CYB5R4: variants seen among roughly 807,000 people sequenced by gnomAD.
The protein encoded by CYB5R4 is N-terminal cytochrome b5 and cytochrome b5 oxidoreductase domain-containing protein.
Under a neutral mutation model 70.2 loss-of-function variants are expected in CYB5R4, and 55 were observed. That is an observed-to-expected ratio of 0.78 (90% CI 0.63 to 0.98). CYB5R4 has a LOEUF of 0.98. Ranked by LOEUF, CYB5R4 falls within the 50% of genes least tolerant of loss-of-function variation. The pLI is 0.00. For missense variants in CYB5R4, 562 were observed against 612.6 expected, an observed-to-expected ratio of 0.92 and a Z score of 0.87; for synonymous variants, 197 against 199.5, an observed-to-expected ratio of 0.99 and a Z score of 0.11.
chr6:83,872,189 C>A (rs1375835829), intron 2 of CYB5R4, among the ~76,000 whole-genome samples: 2 of 152,140 alleles, frequency 1.3e-5, no homozygotes, highest in African/African-American at 4.8e-5. Flanking sequence ...TATCTTTTTG[C>A]ACATTCAGAT....
At chr6:83,895,950 A>G (rs1250704008) in intron 3 of CYB5R4, among the ~76,000 whole-genome samples, 1 of 152,122 alleles carries the variant, frequency 6.6e-6, no homozygotes, top group Non-Finnish European at 1.5e-5. Flanking sequence ...TTTTTATCCC[A>G]CCGCTGACCT....
rs201408348 is a variant in CYB5R4 at position 83,942,687 on chromosome 6, G to C, written c.1346+2086G>C. 4.6e-5 allele frequency among the ~76,000 whole-genome samples: 7 copies of C among 152,130 alleles called. No homozygotes were observed. In the East Asian group the frequency reaches 1.2e-3, roughly 25 times the overall value. On this transcript the variant is annotated intron_variant, in intron 14 of 15. Coordinates refer to ENST00000369681, the MANE Select transcript of CYB5R4 (RefSeq NM_016230.4). ...CTTGCTCAGCGGATCCCACCCCAAC[G>C]GAGCCCAGCAAGCTAAAATCCACTG...
At position 83,955,361 on chromosome 6, in the gene CYB5R4, T is replaced by G; in HGVS notation, c.1410T>G (p.Ile470Met). The stretch of plus-strand genomic sequence containing the variant: ...AATGGAATGGCAAACAGGGACATAT[T>G]TCACCAGCTCTTCTTTCTGAATTTT... Reference protein sequence around the residue: ...ISEWNGKQGHISPALLSEFLK... With the variant: ...ISEWNGKQGHMSPALLSEFLK... Residue 470 changes from isoleucine to methionine, a missense_variant, in exon 15 of 16, where the codon ATT becomes ATG. Transcript: ENST00000369681. 6.2e-7 allele frequency: 1 copy of G among 1,614,000 alleles called. No individual in the cohort carries two copies. Among genetic ancestry groups the G allele is most frequent in the Non-Finnish European group, 8.5e-7 (1 of 1,179,924 alleles).
At chr6:83,895,491 G>A (rs2099461740) in intron 3 of CYB5R4, among the ~76,000 whole-genome samples, 1 of 152,090 alleles carries the variant, frequency 6.6e-6, no homozygotes, top group South Asian at 2.1e-4. Context: ...AGCAATGCAA[G>A]CTAAATAGAA....
chr6:83,945,560 A>G (rs998037390), intron 14 of CYB5R4, among the ~76,000 whole-genome samples: 1 of 152,194 alleles, frequency 6.6e-6, no homozygotes, highest in African/African-American at 2.4e-5. Context: ...AAGACAAGAA[A>G]TAACTAAGAT....
intron 15 of CYB5R4, among the ~76,000 whole-genome samples, chr6:83,957,636 A>G (rs929599855): frequency 4.6e-5 from 7 of 150,792 alleles, no homozygotes; most frequent in African/African-American, 1.5e-4. Context: ...AAAAAAAAAA[A>G]AAAAAAAAAA....
At chr6:83,921,804 A>T (rs1488740466) in intron 8 of CYB5R4, among the ~76,000 whole-genome samples, 1 of 152,224 alleles carries the variant, frequency 6.6e-6, no homozygotes, top group African/African-American at 2.4e-5. Flanking sequence ...AAAATTGTAA[A>T]TTCCAGATAA....
intron 5 of CYB5R4, among the ~76,000 whole-genome samples, 195 bp from the exon 6 acceptor site, chr6:83,917,810 T>A (rs911183285): frequency 6.6e-6 from 1 of 151,994 alleles, no homozygotes; most frequent in Non-Finnish European, 1.5e-5. Flanking sequence ...ATGAAGAGAG[T>A]GCTGACTGCA....
intron 2 of CYB5R4, among the ~76,000 whole-genome samples, chr6:83,880,182 A>G (rs1018678837): frequency 6.6e-5 from 10 of 152,234 alleles, no homozygotes; most frequent in Admixed American, 1.3e-4. Flanking sequence ...TACATTGTGT[A>G]ATGATCAAAT....
At chr6:83,926,753 T>G (rs896654273) in intron 10 of CYB5R4, among the ~76,000 whole-genome samples, 1 of 152,202 alleles carries the variant, frequency 6.6e-6, no homozygotes, top group East Asian at 1.9e-4. Flanking sequence ...TATATTTTGC[T>G]CATGTGGGGA....
rs181571416 is a variant in CYB5R4, at chr6:83,861,795, C to T, written c.75+1938C>T. Among the ~76,000 whole-genome samples, 5 of 152,288 alleles carry T rather than the reference C, an allele frequency of 3.3e-5. No individual in the cohort carries two copies. The East Asian group carries it at 9.6e-4, about 29-fold the overall frequency. On this transcript the variant is annotated intron_variant, in intron 1 of 15. Coordinates refer to ENST00000369681, the MANE Select transcript of CYB5R4 (RefSeq NM_016230.4). ...TTATCTTACTTGTTTTTTAATTAAT[C>T]TTTCTTAAATGTATATATAGCTAAC...
At chr6:83,876,835 C>G (rs1272161788) in intron 2 of CYB5R4, among the ~76,000 whole-genome samples, 1 of 151,992 alleles carries the variant, frequency 6.6e-6, no homozygotes, top group Non-Finnish European at 1.5e-5. Context: ...TGAAGAACTT[C>G]CTTTAACTTT....
chr6:83,898,716 C>G (rs1157130858), intron 3 of CYB5R4, among the ~76,000 whole-genome samples: 1 of 151,984 alleles, frequency 6.6e-6, no homozygotes, highest in Non-Finnish European at 1.5e-5. Flanking sequence ...ATTTTATTCT[C>G]TTTGAAGCAA....
At chr6:83,888,635 G>A (rs933504812) in intron 2 of CYB5R4, among the ~76,000 whole-genome samples, 38 of 152,012 alleles carry the variant, frequency 2.5e-4, no homozygotes, top group Non-Finnish European at 4.7e-4. Flanking sequence ...TTCTTCTTGG[G>A]CCACTCCATT....
At chr6:83,941,855 T>G (rs1487244500) in intron 14 of CYB5R4, among the ~76,000 whole-genome samples, 1 of 152,232 alleles carries the variant, frequency 6.6e-6, no homozygotes, top group Non-Finnish European at 1.5e-5. Flanking sequence ...AGTGGAAAAT[T>G]GGAAGCGTTT....
intron 2 of CYB5R4, among the ~76,000 whole-genome samples, chr6:83,876,989 A>G (rs2099458664): frequency 6.6e-6 from 1 of 151,988 alleles, no homozygotes; most frequent in Admixed American, 6.6e-5. Context: ...GTGCTACCAC[A>G]CCTGGCTAAT....
chr6:83,891,476 G>A (rs551100038), intron 2 of CYB5R4, among the ~76,000 whole-genome samples: 1 of 152,294 alleles, frequency 6.6e-6, no homozygotes, highest in African/African-American at 2.4e-5. Flanking sequence ...GAAAAAAAGG[G>A]AGATAAGGAA....
intron 2 of CYB5R4, among the ~76,000 whole-genome samples, chr6:83,890,156 T>C (rs1174547445): frequency 2.0e-5 from 3 of 152,208 alleles, no homozygotes; most frequent in Admixed American, 2.0e-4. Flanking sequence ...CTGCTGTAGA[T>C]AGTGATTCCT....
intron 15 of CYB5R4, among the ~76,000 whole-genome samples, chr6:83,957,264 G>A (rs1385389753): frequency 6.6e-6 from 1 of 152,060 alleles, no homozygotes; most frequent in Admixed American, 6.6e-5. Context: ...GTCTTCTGCT[G>A]TATTGCTTCT....
Sources: allele counts gnomAD v4.1 joint callset (sites outside exome capture counted in the v4.1 genomes callset), GRCh38; gene constraint gnomAD v4.1.1; transcripts MANE v1.5; gene names NCBI Gene and HGNC (gene_info 2026-07-23, HGNC 2026-07-21).